Variants in MRAP2 observed in about 807,000 individuals in gnomAD.
MRAP2 encodes the protein melanocortin-2 receptor accessory protein 2.
Under a neutral mutation model 17.4 loss-of-function variants are expected in MRAP2, and 20 were observed. That is an observed-to-expected ratio of 1.15 (90% CI 0.81 to 1.67). The LOEUF (loss-of-function observed/expected upper bound fraction) is 1.67, where lower values mean the gene tolerates loss of function less well. Ranked by LOEUF, MRAP2 falls within the 40% of genes most tolerant of loss-of-function variation. The pLI, the probability that MRAP2 is intolerant of heterozygous loss-of-function variation, is 0.00. For synonymous variants in MRAP2, 96 were observed against 88.4 expected (o/e 1.09, Z -0.48); for missense variants, 238 against 240.0 (o/e 0.99, Z 0.05).
rs1253338051 is a variant in MRAP2, at chr6:84,089,229, G to C, written c.366G>C (p.Glu122Asp). 6.2e-7 allele frequency: 1 copy of C among 1,614,178 alleles called. No individual in the cohort carries two copies. The highest frequency in any genetic ancestry group is 8.5e-7 in the Non-Finnish European group (1 of 1,180,038). ...CTCTCTTTCACTGCTACATCAATGA[G>C]GTGGAACGCTTGGACAGAGCCAAAG... is the stretch of plus-strand genomic sequence containing the variant. Reference protein sequence around the residue: ...SRSLFHCYINEVERLDRAKAC... With the variant: ...SRSLFHCYINDVERLDRAKAC... The change falls in exon 4 of 4, where the codon GAG (glutamate) becomes GAC (aspartate). Residue 122 changes from glutamate to aspartate, a missense_variant. Coordinates refer to ENST00000257776, the MANE Select transcript of MRAP2 (RefSeq NM_138409.4).
chr6:84,100,494 T>G, the MRAP2 span, among the ~76,000 whole-genome samples: 1 of 152,164 alleles, frequency 6.6e-6, no homozygotes, highest in Non-Finnish European at 1.5e-5. Flanking sequence ...CTTGAACTCC[T>G]GGGCTCAAGC....
chr6:84,136,279 C>T, the MRAP2 span, among the ~76,000 whole-genome samples: 2 of 152,206 alleles, frequency 1.3e-5, no homozygotes, highest in Admixed American at 6.5e-5. Context: ...CCAAATACCA[C>T]AGACATTTAT....
chr6:84,128,584 T>C, the MRAP2 span, among the ~76,000 whole-genome samples: 29 of 152,282 alleles, frequency 1.9e-4, no homozygotes, highest in African/African-American at 6.5e-4. Context: ...TTAGCATCAA[T>C]ATCTTCATCT....
chr6:84,071,335 A>G (rs1247457872), intron 3 of MRAP2, among the ~76,000 whole-genome samples: 1 of 152,114 alleles, frequency 6.6e-6, no homozygotes, highest in African/African-American at 2.4e-5. Flanking sequence ...TCCTTCATAT[A>G]TGATGCTTAG....
chr6:84,089,807 GTTT>G lies in MRAP2; in HGVS notation c.*328_*330del, dbSNP rs2099501414. The G allele has an allele frequency of 4.7e-6, 1 of 210,570 alleles. No homozygotes were observed. The highest frequency in any genetic ancestry group is 3.2e-5 in the African/African-American group (1 of 30,934). The allele number at this position is 210,570 out of a possible 1,614,324, so 13.0% of individuals were successfully genotyped here. ...AATTTTAAACTTTATTAAAACATGA[GTTT>G]TGTTTTTTTTTTTGCTATTTTTTTT... On this transcript the variant is annotated 3_prime_UTR_variant, in exon 4 of 4. Coordinates refer to ENST00000257776, the MANE Select transcript of MRAP2 (RefSeq NM_138409.4).
At chr6:84,043,756 G>C (rs1172870545) in intron 1 of MRAP2, among the ~76,000 whole-genome samples, 2 of 152,180 alleles carry the variant, frequency 1.3e-5, no homozygotes, top group African/African-American at 4.8e-5. Flanking sequence ...AATTCTTTAA[G>C]AGCACAGTCC....
chr6:84,129,714 T>C, the MRAP2 span, among the ~76,000 whole-genome samples: 3 of 152,196 alleles, frequency 2.0e-5, no homozygotes, highest in Admixed American at 2.0e-4. Context: ...TTGCCACTGC[T>C]TTTGGTGTTT....
chr6:84,126,392 G>A, the MRAP2 span: 22 of 1,594,730 alleles, frequency 1.4e-5, no homozygotes, highest in Middle Eastern at 1.8e-3. Flanking sequence ...TGAAGTTCCT[G>A]TTCTCTTTGT....
the MRAP2 span, among the ~76,000 whole-genome samples, chr6:84,133,360 C>CT: frequency 0.042 from 6,463 of 152,274 alleles, 199 homozygotes; most frequent in Admixed American, 0.086. Context: ...AAACTCCATG[C>CT]TGGGAGAACC....
chr6:84,072,749 G>T (rs576812310), intron 3 of MRAP2, among the ~76,000 whole-genome samples: 3 of 152,132 alleles, frequency 2.0e-5, no homozygotes, highest in Non-Finnish European at 4.4e-5. Flanking sequence ...GGGTCTTGCT[G>T]CAGCTGCTGT....
chr6:84,058,012 A>T (rs1480798454), intron 2 of MRAP2, among the ~76,000 whole-genome samples: 2 of 152,182 alleles, frequency 1.3e-5, no homozygotes, highest in African/African-American at 4.8e-5. Context: ...CAGGGGAGTG[A>T]TAAGAGGCAG....
upstream of MRAP2, chr6:84,033,672 G>C (rs1270042312): frequency 2.0e-6 from 2 of 983,940 alleles, no homozygotes; most frequent in African/African-American, 3.5e-5. Context: ...TCTCGCGCTG[G>C]GGAGGCGGCT....
chr6:84,105,426 T>C, the MRAP2 span, among the ~76,000 whole-genome samples: 2 of 152,064 alleles, frequency 1.3e-5, no homozygotes, highest in African/African-American at 4.8e-5. Flanking sequence ...AGAGAGAGCT[T>C]GTGCAGCGGA....
At chr6:84,134,047 T>A in the MRAP2 span, among the ~76,000 whole-genome samples, 3 of 152,210 alleles carry the variant, frequency 2.0e-5, no homozygotes, top group East Asian at 5.8e-4. Flanking sequence ...CTTTAAGAGA[T>A]GCCCTGCCCA....
intron 3 of MRAP2, among the ~76,000 whole-genome samples, chr6:84,072,565 A>G (rs2099496460): frequency 3.3e-5 from 5 of 152,188 alleles, no homozygotes; most frequent in Admixed American, 2.0e-4. Context: ...CTGCCGGGTC[A>G]TGTTGCTTTC....
At chr6:84,066,783 C>T (rs929838787) in intron 3 of MRAP2, among the ~76,000 whole-genome samples, 12 of 152,290 alleles carry the variant, frequency 7.9e-5, no homozygotes, top group Non-Finnish European at 1.5e-4. Context: ...AAAGTCTCTT[C>T]GGTGCTGAAG....
At chr6:84,130,586 G>A in the MRAP2 span, among the ~76,000 whole-genome samples, 1 of 152,254 alleles carries the variant, frequency 6.6e-6, no homozygotes, top group East Asian at 1.9e-4. Flanking sequence ...TTAGACTTGG[G>A]AGGGTGTATG....
At chr6:84,055,563 C>T (rs1183962849) in intron 2 of MRAP2, 118 bp downstream of exon 2, 49 of 1,014,956 alleles carry the variant, frequency 4.8e-5, no homozygotes, top group Non-Finnish European at 6.8e-5. Flanking sequence ...CTGTCCTCTA[C>T]CTCCCAAATT....
At chr6:84,103,012 T>C in the MRAP2 span, among the ~76,000 whole-genome samples, 3 of 152,184 alleles carry the variant, frequency 2.0e-5, no homozygotes, top group Non-Finnish European at 2.9e-5. Context: ...GACAGACAAA[T>C]ATATACATTA....
Sources: allele counts gnomAD v4.1 joint callset (sites outside exome capture counted in the v4.1 genomes callset), GRCh38; gene constraint gnomAD v4.1.1; transcripts MANE v1.5; gene names NCBI Gene and HGNC (gene_info 2026-07-23, HGNC 2026-07-21).